Variants in NLRP2 observed in about 807,000 individuals in gnomAD.
NLRP2 encodes NACHT, LRR and PYD domains-containing protein 2.
Under a neutral mutation model 97.2 loss-of-function variants are expected in NLRP2, and 107 were observed. The observed-to-expected ratio is 1.10, with a 90% CI of 0.94 to 1.29. NLRP2 has a LOEUF of 1.29. Ranked by LOEUF, NLRP2 falls within the 50% of genes most tolerant of loss-of-function variation. The pLI is 0.00. For synonymous variants in NLRP2, 663 were observed against 551.5 expected (o/e 1.20, Z -2.83); for missense variants, 1,495 against 1,330.3 (o/e 1.12, Z -1.93).
In NLRP2 at chr19:54,982,503, T is replaced by A; in HGVS notation, c.805T>A (p.Leu269Met). ...GCTGGTCTTCAGGGACTGGCCTGAA[T>A]TGCAGGATGACATTCCACACATCCT... ...AELVFRDWPE[L>M]QDDIPHILAQ... is the part of the protein sequence containing the mutation. The change falls in exon 6 of 13, where the codon TTG becomes ATG. Residue 269 changes from leucine to methionine, a missense_variant. Physicochemically the swap from Leu to Met is conservative, Grantham distance 15. Transcript: ENST00000448584. 6.2e-7 allele frequency: 1 copy of A among 1,614,208 alleles called. No individual in the cohort carries two copies. The highest frequency in any genetic ancestry group is 8.5e-7 in the Non-Finnish European group (1 of 1,180,038).
At chr19:54,980,208 T>TTG (rs572656876) in intron 4 of NLRP2, among the ~76,000 whole-genome samples, 7 of 24,944 alleles carry the variant, frequency 2.8e-4, no homozygotes, top group African/African-American at 9.2e-4. Flanking sequence ...TTTTGTTTTG[T>TTG]TTTTTTTTTT....
chr19:54,975,106 GTTTTTTTTTTTTTTTTTTTTTTT>G lies in NLRP2; in HGVS notation c.325+577_325+599del, dbSNP rs558518586. Among the ~76,000 whole-genome samples, 50 of 58,706 alleles carry G rather than the reference GTTTTTTTTTTTTTTTTTTTTTTT, an allele frequency of 8.5e-4. 2 individuals are homozygous for G. Among genetic ancestry groups the G allele is most frequent in the Non-Finnish European group, 1.7e-4 (5 of 28,946 alleles). The allele number at this position is 58,706 out of a possible 152,430, so 38.5% of individuals were successfully genotyped here. ...ATGAGCCACCACCACACCCGGTTTT[GTTTTTTTTTTTTTTTTTTTTTTT>G]TTTTTTTTTTTTTTGAAACAGGGCT... On this transcript the variant is annotated intron_variant, in intron 3 of 12. Coordinates refer to ENST00000448584, the MANE Select transcript of NLRP2 (RefSeq NM_017852.5).
At chr19:54,974,822 T>G (rs2071094218) in intron 3 of NLRP2, among the ~76,000 whole-genome samples, 1 of 152,146 alleles carries the variant, frequency 6.6e-6, no homozygotes, top group South Asian at 2.1e-4. Context: ...TTTTTTGAGA[T>G]GGAGGCTTGC....
intron 2 of NLRP2, among the ~76,000 whole-genome samples, chr19:54,971,744 CTG>C (rs1485387440): frequency 2.0e-5 from 3 of 152,044 alleles, no homozygotes; most frequent in East Asian, 1.9e-4. Context: ...CCTAACATAT[CTG>C]TGGATTTAAC....
rs747472514 is a variant in NLRP2, at chr19:54,982,599, A to C, written c.901A>C (p.Ile301Leu). The stretch of plus-strand genomic sequence containing the variant: ...GCTGGGAGCCGCACCTGGGGCGCTG[A>C]TCGAGGACATCTGCGGGGACTGGGA... The part of the protein sequence containing the change: ...DELGAAPGAL[I>L]EDICGDWEKK... The change falls in exon 6 of 13, where the codon ATC (isoleucine) becomes CTC (leucine). Residue 301 changes from isoleucine (I) to leucine (L), a missense_variant. Physicochemically the swap from Ile to Leu is conservative, Grantham distance 5. Transcript: ENST00000448584. 6.8e-6 allele frequency: 11 copies of C among 1,614,116 alleles called. No individual in the cohort carries two copies. Among genetic ancestry groups the C allele is most frequent in the Admixed American group, 3.3e-5 (2 of 60,002 alleles).
chr19:54,987,908 T>G (rs1178488387), intron 8 of NLRP2, among the ~76,000 whole-genome samples: 1 of 152,100 alleles, frequency 6.6e-6, no homozygotes. Flanking sequence ...CTGGGCATGG[T>G]GGCGCGTGCC....
intron 7 of NLRP2, 64 bp downstream of exon 7, chr19:54,985,281 C>T (rs372771735): frequency 2.0e-5 from 29 of 1,473,598 alleles, no homozygotes; most frequent in Middle Eastern, 3.5e-4. Context: ...ATGTTAACAT[C>T]GGAGCAATAT....
chr19:54,977,769 C>T lies in NLRP2; in HGVS notation c.343C>T (p.Arg115Ter), dbSNP rs771601737. Residue 115 changes from arginine to a stop codon, truncating the protein, a stop_gained, in exon 4 of 13, where the codon CGA (arginine) becomes TGA (stop). Coordinates refer to ENST00000448584, the MANE Select transcript of NLRP2 (RefSeq NM_017852.5). LOFTEE classifies it high-confidence loss of function. ...PLSLGITRKE[R>*]PPLDVDEMLE... ...TTCTCCAGGGATAACACGGAAAGAA[C>T]GACCACCTCTAGACGTGGACGAAAT... 2.5e-6 allele frequency: 4 copies of T among 1,613,634 alleles called. No homozygotes were observed. Among genetic ancestry groups the T allele is most frequent in the East Asian group, 2.2e-5 (1 of 44,874 alleles).
At chr19:55,000,734 C>A (rs1568552937) in intron 12 of NLRP2, 26 bp from the exon 13 acceptor site, 2 of 1,612,386 alleles carry the variant, frequency 1.2e-6, no homozygotes, top group African/African-American at 1.3e-5. Flanking sequence ...CACAAAGTAA[C>A]CTTTTCTTCC....
rs964642129 is a variant in NLRP2, at chr19:55,000,423, T to C, written c.3051-337T>C. On this transcript the variant is annotated intron_variant, in intron 12 of 12. Transcript: ENST00000448584. ...TCCTGAGTAGCTGGGACTACAGGCG[T>C]CCGCCACCACGCCCGGCTAATTTTT... Among the ~76,000 whole-genome samples the C allele has an allele frequency of 4.3e-3, 640 of 149,034 alleles. 2 individuals are homozygous for C. Among genetic ancestry groups the C allele is most frequent in the African/African-American group, 0.015 (595 of 40,782 alleles).
Position 54,977,746 on chromosome 19 carries a change from C to A in NLRP2, c.326-6C>A. 1 of 1,613,826 alleles carries A rather than the reference C, an allele frequency of 6.2e-7. No homozygotes were observed. The highest frequency in any genetic ancestry group is 1.1e-5 in the South Asian group (1 of 91,080). Reference sequence around the variant, plus strand: ...ACAGGCCTGTAATGCCGCCCTTTTTCTCCAGGGATAACACGGAAAGAACGA... The same window carrying A: ...ACAGGCCTGTAATGCCGCCCTTTTTATCCAGGGATAACACGGAAAGAACGA... On this transcript the variant is annotated splice_polypyrimidine_tract_variant and splice_region_variant and intron_variant, in intron 3 of 12. Coordinates refer to ENST00000448584, the MANE Select transcript of NLRP2 (RefSeq NM_017852.5).
intron 9 of NLRP2, 134 bp downstream of exon 9, chr19:54,990,326 G>T (rs181114293): frequency 1.8e-6 from 2 of 1,138,210 alleles, no homozygotes; most frequent in South Asian, 2.5e-5. Flanking sequence ...GATCCAGGCC[G>T]ATGGCCTGTG....
intron 2 of NLRP2, among the ~76,000 whole-genome samples, chr19:54,973,359 T>C (rs2070995237): frequency 1.3e-5 from 2 of 149,140 alleles, no homozygotes; most frequent in Non-Finnish European, 1.5e-5. Flanking sequence ...TTTTTTTTTT[T>C]TTTTGGTTTG....
chr19:54,985,861 C>T (rs964721586), intron 7 of NLRP2, among the ~76,000 whole-genome samples: 5 of 151,664 alleles, frequency 3.3e-5, no homozygotes, highest in South Asian at 4.2e-4. Context: ...TGCCAGGTGT[C>T]GTGGCAGGTG....
rs2071673935 is a variant in NLRP2 at position 54,982,658 on chromosome 19, T to A, written c.960T>A (p.Ser320Arg). 6.2e-7 allele frequency: 1 copy of A among 1,613,282 alleles called. No individual in the cohort carries two copies. Among genetic ancestry groups the A allele is most frequent in the East Asian group, 2.2e-5 (1 of 44,816 alleles). The change falls in exon 6 of 13, where the codon AGT becomes AGA. Residue 320 changes from serine (S) to arginine (R), a missense_variant. Physicochemically the swap from Ser to Arg is moderately radical, Grantham distance 110. Coordinates refer to ENST00000448584, the MANE Select transcript of NLRP2 (RefSeq NM_017852.5). ...AGCCGGTGCCCGTCCTCCTGGGGAG[T>A]TTGCTGAACAGGGTGATGTTACCCA... ...KKKPVPVLLG[S>R]LLNRVMLPKA...
rs112026629 is a variant in NLRP2, at chr19:54,989,675, G to A, written c.2367-347G>A. 1,123 of 399,350 alleles carry A rather than the reference G, an allele frequency of 2.8e-3. 7 individuals carry two copies. Among genetic ancestry groups the A allele is most frequent in the African/African-American group, 0.021 (1,033 of 48,994 alleles). The allele number at this position is 399,350 out of a possible 1,614,324, so 24.7% of individuals were successfully genotyped here. ...AGATGTAAACCAAAGACGATTCCAC[G>A]GTTAGATTCTCAAGAATGACTTGTT... On this transcript the variant is annotated intron_variant, in intron 8 of 12. Transcript: ENST00000448584.
At chr19:54,994,624 T>G (rs1366059969) in intron 11 of NLRP2, among the ~76,000 whole-genome samples, 185 bp downstream of exon 11, 11 of 152,032 alleles carry the variant, frequency 7.2e-5, no homozygotes, top group Non-Finnish European at 1.6e-4. Context: ...TTTTGTTTTT[T>G]TTTTTCTTGA....
chr19:54,993,196 G>A (rs1175094643), intron 10 of NLRP2: 1 of 146,258 alleles, frequency 6.8e-6, no homozygotes, highest in African/African-American at 2.6e-5. Context: ...TCCAGCCTGG[G>A]TGTCAGAGCG....
chr19:54,974,575 T>C, intron 3 of NLRP2, 31 bp downstream of exon 3: 1 of 1,420,708 alleles, frequency 7.0e-7, no homozygotes, highest in Non-Finnish European at 1.0e-6. Flanking sequence ...CTTTTATTCT[T>C]CATGTGAGAT....
Sources: gnomAD v4.1 joint callset for allele counts (sites outside exome capture counted in the v4.1 genomes callset) on GRCh38, gnomAD v4.1.1 for gene constraint, MANE v1.5 for transcripts, NCBI Gene and HGNC (gene_info 2026-07-23, HGNC 2026-07-21) for gene names.